Variants in CHID1 observed in about 807,000 individuals in gnomAD.
CHID1 encodes the protein chitinase domain containing 1, also known as chitinase domain-containing protein 1.
In CHID1, 44 loss-of-function variants were observed where a neutral mutation model predicts 55.4. The ratio of observed to expected loss-of-function variants is 0.79; its 90% CI spans 0.62 to 1.02. The LOEUF (loss-of-function observed/expected upper bound fraction) is 1.02. CHID1 is among the 50% of genes least tolerant of loss of function. The probability of loss-of-function intolerance (pLI) is 0.00; values close to 1 mark genes in which losing one functional copy is unlikely to be tolerated. For synonymous variants in CHID1, 216 were observed against 212.9 expected (o/e 1.01, Z -0.13); for missense variants, 491 against 515.3 (o/e 0.95, Z 0.46).
At chr11:891,451 A>G (rs1319864272) in intron 8 of CHID1, among the ~76,000 whole-genome samples, 1 of 152,184 alleles carries the variant, frequency 6.6e-6, no homozygotes, top group Non-Finnish European at 1.5e-5. Context: ...CCCAGCTCCA[A>G]CTGCCCACTT....
At chr11:911,628 T>A (rs1364163174), upstream of CHID1, among the ~76,000 whole-genome samples, 1 of 152,194 alleles carries the variant, frequency 6.6e-6, no homozygotes, top group East Asian at 1.9e-4. Flanking sequence ...TTCTGCTGCT[T>A]GGGAGCTTTC....
Position 883,269 on chromosome 11 carries a change from C to G in CHID1, c.838G>C (p.Ala280Pro), listed in dbSNP as rs772499627. 1 of 1,613,960 alleles carries G rather than the reference C, an allele frequency of 6.2e-7. No individual in the cohort carries two copies. Among genetic ancestry groups the G allele is most frequent in the Non-Finnish European group, 8.5e-7 (1 of 1,179,976 alleles). The change falls in exon 10 of 13, where the codon GCC becomes CCC. Residue 280 changes from alanine (A) to proline (P), a missense_variant. Physicochemically the swap from Ala to Pro is conservative, Grantham distance 27 (BLOSUM62 -1). Transcript: ENST00000323578. ...GPNAPLSWVRACVQVLDPKSK... is the reference protein window; with the variant it reads ...GPNAPLSWVRPCVQVLDPKSK... ...TTCGGGTCCAGGACCTGGACGCAGG[C>G]TCGAACCCAGGACAGGGGTGCATTA...
intron 1 of CHID1, chr11:908,152 G>A (rs1180631485): frequency 6.6e-6 from 1 of 152,270 alleles, no homozygotes; most frequent in African/African-American, 2.4e-5. Flanking sequence ...CCCCACCTAG[G>A]AGGCAGGGAG....
At chr11:900,808 C>A in intron 5 of CHID1, 128 bp downstream of exon 5, 1 of 727,738 alleles carries the variant, frequency 1.4e-6, no homozygotes, top group South Asian at 1.9e-5. Context: ...CATCTCTGAG[C>A]GGTCAAAGTA....
chr11:892,989 C>T (rs1003417188), intron 8 of CHID1, among the ~76,000 whole-genome samples: 3 of 152,214 alleles, frequency 2.0e-5, no homozygotes, highest in East Asian at 1.9e-4. Flanking sequence ...GCGAGTGGCC[C>T]GCAGTCACCT....
chr11:905,441 G>A lies in CHID1; in HGVS notation c.-43-582C>T, dbSNP rs112926438. Among the ~76,000 whole-genome samples, 236 of 152,246 alleles carry A rather than the reference G, an allele frequency of 1.6e-3. 3 individuals carry two copies. Among genetic ancestry groups the A allele is most frequent in the African/African-American group, 5.4e-3 (224 of 41,540 alleles). Reference sequence around the variant, plus strand: ...CCAACACTTAATGGGAGGCTGAGGCGGGCGGATCACCTGAGGTCAGGAATT... The same window carrying A: ...CCAACACTTAATGGGAGGCTGAGGCAGGCGGATCACCTGAGGTCAGGAATT... On this transcript the variant is annotated intron_variant, in intron 1 of 12. Transcript: ENST00000323578.
At position 870,427 on chromosome 11, in the gene CHID1, C is replaced by G. The variant is rs772327238; in HGVS notation, c.1032G>C (p.Glu344Asp). 13 of 1,609,986 alleles carry G rather than the reference C, an allele frequency of 8.1e-6. No homozygotes were observed. Among genetic ancestry groups the G allele is most frequent in the Non-Finnish European group, 9.3e-6 (11 of 1,177,700 alleles). Residue 344 changes from glutamate to aspartate, a missense_variant, in exon 11 of 13, where the codon GAG becomes GAC. Transcript: ENST00000323578. ...CACTTCAAAACACTCACTTCTTGTA[C>G]TCGAAGAAGTGCTCTGAGGCCTGGC... ...WDSQASEHFF[E>D]YKKSRSGRHV...
intron 12 of CHID1, 34 bp from the exon 13 acceptor site, chr11:869,990 G>C (rs754969137): frequency 6.2e-7 from 1 of 1,608,420 alleles, no homozygotes; most frequent in Non-Finnish European, 8.5e-7. Context: ...CACCTGCTGG[G>C]GCCTGTCCCC....
chr11:894,121 CAAAAAAAAAAAAA>C (rs58548115), intron 7 of CHID1, among the ~76,000 whole-genome samples: 7 of 58,066 alleles, frequency 1.2e-4, no homozygotes, highest in South Asian at 6.6e-4. Context: ...GACTCTGTCT[CAAAAAAAAAAAAA>C]AAAAAAAAAA....
chr11:914,078 A>C (rs1852830839), upstream of CHID1, among the ~76,000 whole-genome samples: 1 of 152,150 alleles, frequency 6.6e-6, no homozygotes, highest in Admixed American at 6.6e-5. Flanking sequence ...AAAAAAAAAA[A>C]AAAAGTGACT....
intron 1 of CHID1, among the ~76,000 whole-genome samples, chr11:908,894 G>A (rs555090116): frequency 3.9e-5 from 6 of 152,358 alleles, no homozygotes; most frequent in Middle Eastern, 3.4e-3. Context: ...AGAGGAAAGG[G>A]TGGAAGAGGA....
intron 7 of CHID1, among the ~76,000 whole-genome samples, chr11:894,121 CAAAAAAAAAAAAAAAAA>C (rs58548115): frequency 5.2e-5 from 3 of 58,048 alleles, no homozygotes; most frequent in Admixed American, 2.2e-4. Context: ...GACTCTGTCT[CAAAAAAAAAAAAAAAAA>C]AAAAAAAAAA....
intron 9 of CHID1, among the ~76,000 whole-genome samples, 160 bp from the exon 10 acceptor site, chr11:883,463 C>A (rs1850155367): frequency 6.6e-6 from 1 of 152,202 alleles, no homozygotes; most frequent in Non-Finnish European, 1.5e-5. Context: ...GGGCTGTCAG[C>A]AGAGCGGGCC....
intron 7 of CHID1, among the ~76,000 whole-genome samples, chr11:894,262 G>A (rs1851088713): frequency 6.6e-6 from 1 of 152,100 alleles, no homozygotes; most frequent in South Asian, 2.1e-4. Context: ...GAAGGAGAGG[G>A]CAGGGCACCG....
chr11:897,853 T>G (rs1254682004), intron 7 of CHID1, among the ~76,000 whole-genome samples: 4 of 146,772 alleles, frequency 2.7e-5, no homozygotes, highest in East Asian at 2.0e-4. Flanking sequence ...TGGCGGAGGG[T>G]GTGGGGATCT....
intron 8 of CHID1, among the ~76,000 whole-genome samples, chr11:892,365 A>G (rs1424125673): frequency 6.6e-6 from 1 of 152,246 alleles, no homozygotes; most frequent in East Asian, 1.9e-4. Flanking sequence ...GAGGCTCCCC[A>G]GGGCTCGGCC....
At chr11:899,813 A>G (rs1364547832) in intron 6 of CHID1, among the ~76,000 whole-genome samples, 191 bp downstream of exon 6, 2 of 152,222 alleles carry the variant, frequency 1.3e-5, no homozygotes, top group East Asian at 3.9e-4. Flanking sequence ...CAGAGGACCC[A>G]TGGTCAAGAA....
At position 875,667 on chromosome 11, in the gene CHID1, C is replaced by T. The variant is rs970310837; in HGVS notation, c.960-5168G>A. 2.0e-5 allele frequency among the ~76,000 whole-genome samples: 3 copies of T among 152,240 alleles called. No homozygotes were observed. The highest frequency in any genetic ancestry group is 2.1e-4 in the South Asian group (1 of 4,824). On this transcript the variant is annotated intron_variant, in intron 10 of 12. Transcript: ENST00000323578. The surrounding 1 kb of genome is among the most constrained non-coding windows in gnomAD (Gnocchi z 4.7). ...AGTCCTGGGGTGGCCATGAGGGGCT[C>T]GCCACACCATTCTATGCACTTCTAT...
intron 7 of CHID1, among the ~76,000 whole-genome samples, chr11:897,352 T>A (rs1407125562): frequency 1.3e-5 from 2 of 152,208 alleles, no homozygotes; most frequent in South Asian, 2.1e-4. Flanking sequence ...GCCTACCTAA[T>A]GCTCTGAAAC....
Sources: allele counts gnomAD v4.1 joint callset (sites outside exome capture counted in the v4.1 genomes callset), GRCh38; gene constraint gnomAD v4.1.1; non-coding constraint Gnocchi (gnomAD v3.1); transcripts MANE v1.5; gene names NCBI Gene and HGNC (gene_info 2026-07-23, HGNC 2026-07-21).